The following CDK8 variants were observed in gnomAD, a reference collection of about 807,000 sequenced individuals.
CDK8 encodes cyclin-dependent kinase 8.
A neutral mutation model predicts 71.5 loss-of-function variants in CDK8; 29 were observed. The observed-to-expected ratio is 0.41, with a 90% CI of 0.30 to 0.55. CDK8 has a LOEUF of 0.55. CDK8 is among the 20% of genes least tolerant of loss of function. The pLI is 0.37. For synonymous variants in CDK8, 161 were observed against 192.1 expected, an observed-to-expected ratio of 0.84 and a Z score of 1.34; for missense variants, 288 against 572.6, an observed-to-expected ratio of 0.50 and a Z score of 5.07.
In CDK8 at chr13:26,385,228, C is replaced by A. The variant is rs181880846; in HGVS notation, c.532C>A (p.Arg178=). 13 of 1,608,674 alleles carry A rather than the reference C, an allele frequency of 8.1e-6. No homozygotes were observed. The highest frequency in any genetic ancestry group is 8.5e-6 in the Non-Finnish European group (10 of 1,177,950). Residue 178 remains arginine (R), a synonymous_variant, in exon 6 of 13, where the codon CGA becomes AGA. Coordinates refer to ENST00000381527, the MANE Select transcript of CDK8 (RefSeq NM_001260.3). ...TTTTACAGCTGACATGGGCTTTGCC[C>A]GATTATTTAATTCACCTTTGAAGCC... is the stretch of plus-strand genomic sequence containing the variant. ...RVKIADMGFA[R]LFNSPLKPLA...
At chr13:26,315,765 A>G (rs926185400) in intron 1 of CDK8, among the ~76,000 whole-genome samples, 1 of 152,166 alleles carries the variant, frequency 6.6e-6, no homozygotes, top group South Asian at 2.1e-4. Context: ...GTAACAATAC[A>G]TTGTTGTGAG....
intron 1 of CDK8, among the ~76,000 whole-genome samples, chr13:26,332,220 G>T (rs778266722): frequency 1.3e-5 from 2 of 151,508 alleles, no homozygotes; most frequent in Non-Finnish European, 2.9e-5. Context: ...GAGTCTTTAG[G>T]TTTTTTTTAA....
intron 1 of CDK8, among the ~76,000 whole-genome samples, chr13:26,328,379 A>T (rs1276019686): frequency 6.6e-6 from 1 of 152,222 alleles, no homozygotes; most frequent in African/African-American, 2.4e-5. Flanking sequence ...ACTGCTTTAC[A>T]ATCTGGTGCA....
rs182181097 is a variant in CDK8, at chr13:26,381,625, C to T, written c.457-1189C>T. ...CTATTCAAAGACAGGGTAGACTCTGCTGCTACCCAGTCTTGCTGATTATAT... is the reference window on the plus strand; with the variant it reads ...CTATTCAAAGACAGGGTAGACTCTGTTGCTACCCAGTCTTGCTGATTATAT... On this transcript the variant is annotated intron_variant, in intron 4 of 12. Transcript: ENST00000381527. Among the ~76,000 whole-genome samples the T allele has an allele frequency of 4.7e-4, 72 of 152,256 alleles. 1 individual carries two copies. Among genetic ancestry groups the T allele is most frequent in the East Asian group, 3.7e-3 (19 of 5,176 alleles).
At chr13:26,305,422 A>G (rs1007668161) in intron 1 of CDK8, among the ~76,000 whole-genome samples, 12 of 152,148 alleles carry the variant, frequency 7.9e-5, no homozygotes, top group Admixed American at 2.6e-4. Flanking sequence ...TCTAAGAAGT[A>G]CTTAAGTGTG....
At chr13:26,302,725 C>T (rs1873877302) in intron 1 of CDK8, among the ~76,000 whole-genome samples, 1 of 152,136 alleles carries the variant, frequency 6.6e-6, no homozygotes, top group African/African-American at 2.4e-5. Context: ...GGGAGAGTAT[C>T]CCCAAGAGAC....
rs1030925208 is a variant in CDK8 at position 26,350,297 on chromosome 13, A to G, written c.315+1115A>G. Among the ~76,000 whole-genome samples, 7 of 152,254 alleles carry G rather than the reference A, an allele frequency of 4.6e-5. No individual in the cohort carries two copies. In the East Asian group the frequency reaches 9.7e-4, roughly 21 times the overall value. The stretch of plus-strand genomic sequence containing the variant: ...AAGATTCGTGTGAAAATAAATTTTA[A>G]TATCTCTTGGGACTTTTAGTTCTTT... On this transcript the variant is annotated intron_variant, in intron 3 of 12. Coordinates refer to ENST00000381527, the MANE Select transcript of CDK8 (RefSeq NM_001260.3).
chr13:26,353,918 C>G (rs114807597), intron 4 of CDK8, 38 bp downstream of exon 4: 1 of 1,579,794 alleles, frequency 6.3e-7, no homozygotes, highest in Middle Eastern at 1.7e-4. Flanking sequence ...TAGAAAGATG[C>G]ATTACAGTTG....
chr13:26,316,084 C>T (rs971789855), intron 1 of CDK8, among the ~76,000 whole-genome samples: 1 of 152,182 alleles, frequency 6.6e-6, no homozygotes, highest in East Asian at 1.9e-4. Context: ...GGCAGCCAGG[C>T]ACGTTGGATC....
intron 1 of CDK8, among the ~76,000 whole-genome samples, chr13:26,258,824 T>C (rs1652417283): frequency 6.6e-6 from 1 of 152,172 alleles, no homozygotes; most frequent in African/African-American, 2.4e-5. Context: ...TATTTTTTAG[T>C]CTCATGCTTT....
intron 1 of CDK8, among the ~76,000 whole-genome samples, chr13:26,299,683 C>T (rs974372871): frequency 1.3e-5 from 2 of 152,100 alleles, no homozygotes; most frequent in Admixed American, 6.6e-5. Flanking sequence ...CCATCAAAGT[C>T]GGCCTCATAT....
At chr13:26,344,350 A>C (rs536350055) in intron 2 of CDK8, among the ~76,000 whole-genome samples, 12 of 152,334 alleles carry the variant, frequency 7.9e-5, no homozygotes, top group African/African-American at 2.6e-4. Flanking sequence ...TGCAATGAAC[A>C]TACAAATGCA....
chr13:26,285,650 G>A (rs975240003), intron 1 of CDK8, among the ~76,000 whole-genome samples: 1 of 152,138 alleles, frequency 6.6e-6, no homozygotes, highest in Non-Finnish European at 1.5e-5. Context: ...AGAGCAGTCA[G>A]ACAAGAGAAG....
chr13:26,357,557 A>C (rs187753495), intron 4 of CDK8, among the ~76,000 whole-genome samples: 1 of 152,148 alleles, frequency 6.6e-6, no homozygotes, highest in Non-Finnish European at 1.5e-5. Flanking sequence ...AAGGGAAAAT[A>C]GTTTGACTAC....
At chr13:26,387,717 A>T (rs1308906880) in intron 6 of CDK8, among the ~76,000 whole-genome samples, 4 of 152,250 alleles carry the variant, frequency 2.6e-5, no homozygotes, top group African/African-American at 9.6e-5. Context: ...CCTTCTCTGA[A>T]CTGTCTTGTC....
intron 6 of CDK8, among the ~76,000 whole-genome samples, chr13:26,389,137 ATCTC>A (rs1431271765): frequency 6.6e-6 from 1 of 152,098 alleles, no homozygotes; most frequent in East Asian, 1.9e-4. Context: ...CGTCTCTTTG[ATCTC>A]TCTAAATTCA....
chr13:26,366,248 A>C (rs948295018), intron 4 of CDK8, among the ~76,000 whole-genome samples: 1 of 152,266 alleles, frequency 6.6e-6, no homozygotes, highest in African/African-American at 2.4e-5. Flanking sequence ...AAATGGTCAA[A>C]TAACAGAACA....
intron 4 of CDK8, among the ~76,000 whole-genome samples, chr13:26,371,588 T>C (rs981207830): frequency 6.6e-6 from 1 of 152,160 alleles, no homozygotes; most frequent in South Asian, 2.1e-4. Flanking sequence ...AGTTTGCCAA[T>C]TGTACAAAAA....
chr13:26,401,534 C>T lies in CDK8; in HGVS notation c.1179C>T (p.Ser393=), dbSNP rs2138075554. ...CTGGCCACCCAGGGAATCAAGACAG[C>T]AGTCACACACAGGGACCCCCGTTGA... is the stretch of plus-strand genomic sequence containing the variant. ...NGTGHPGNQD[S]SHTQGPPLKK... The change falls in exon 12 of 13, where the codon AGC becomes AGT. Residue 393 remains serine (S), a synonymous_variant. Coordinates refer to ENST00000381527, the MANE Select transcript of CDK8 (RefSeq NM_001260.3). The surrounding 1 kb of genome is among the most constrained non-coding windows in gnomAD (Gnocchi z 4.5). The T allele has an allele frequency of 6.2e-7, 1 of 1,614,172 alleles. No individual in the cohort carries two copies. The highest frequency in any genetic ancestry group is 8.5e-7 in the Non-Finnish European group (1 of 1,179,994).
Sources: allele counts gnomAD v4.1 joint callset (sites outside exome capture counted in the v4.1 genomes callset), GRCh38; gene constraint gnomAD v4.1.1; non-coding constraint Gnocchi (gnomAD v3.1); transcripts MANE v1.5; gene names NCBI Gene and HGNC (gene_info 2026-07-23, HGNC 2026-07-21).